Variants in CBL observed in about 807,000 individuals in gnomAD.
CBL encodes Cbl proto-oncogene.
In CBL, 45 loss-of-function variants were observed where a neutral mutation model predicts 96.9. The ratio of observed to expected loss-of-function variants is 0.46; its 90% CI spans 0.37 to 0.60. The LOEUF is 0.60. Ranked by LOEUF, CBL falls within the 20% of genes least tolerant of loss-of-function variation. The probability of loss-of-function intolerance (pLI) is 0.00; values close to 1 mark genes in which losing one functional copy is unlikely to be tolerated. For missense variants in CBL, 1,024 were observed against 1,143.5 expected (o/e 0.90, Z 1.51); for synonymous variants, 420 against 426.8 (o/e 0.98, Z 0.20).
At chr11:119,273,592 T>C (rs1190422245) in intron 3 of CBL, among the ~76,000 whole-genome samples, 1 of 152,182 alleles carries the variant, frequency 6.6e-6, no homozygotes, top group Non-Finnish European at 1.5e-5. Flanking sequence ...TGTTTGTTTG[T>C]TTTTGTAGAG....
chr11:119,278,352 G>A (rs762760015), intron 8 of CBL, 55 bp downstream of exon 8: 2 of 1,599,476 alleles, frequency 1.3e-6, no homozygotes, highest in South Asian at 1.1e-5. Flanking sequence ...GGAAAATTCG[G>A]TATTATATAG....
chr11:119,294,125 A>C (rs1482636242), intron 12 of CBL, among the ~76,000 whole-genome samples: 1 of 152,104 alleles, frequency 6.6e-6, no homozygotes, highest in African/African-American at 2.4e-5. Context: ...ATTAACAGAG[A>C]ATTATAATTA....
intron 2 of CBL, among the ~76,000 whole-genome samples, chr11:119,237,286 A>G (rs1949553330): frequency 6.6e-6 from 1 of 152,190 alleles, no homozygotes; most frequent in South Asian, 2.1e-4. Context: ...TTCATTGTTG[A>G]GTTGTAAGAT....
intron 2 of CBL, among the ~76,000 whole-genome samples, chr11:119,261,590 G>A (rs528238476): frequency 1.3e-5 from 2 of 152,266 alleles, no homozygotes; most frequent in South Asian, 4.1e-4. Context: ...AAAGATTTCA[G>A]CATTATCTTA....
chr11:119,291,714 TA>T (rs1338995083), intron 12 of CBL, among the ~76,000 whole-genome samples: 1 of 152,170 alleles, frequency 6.6e-6, no homozygotes, highest in Non-Finnish European at 1.5e-5. Flanking sequence ...TCTCAAAAAA[TA>T]AAAATATATA....
At chr11:119,280,328 G>A (rs540185647) in intron 9 of CBL, among the ~76,000 whole-genome samples, 1 of 152,098 alleles carries the variant, frequency 6.6e-6, no homozygotes. Context: ...TTTTTTAGCT[G>A]GATGGTAGGT....
In CBL at chr11:119,304,246, C is replaced by T. The variant is rs1950120103; in HGVS notation, c.*4465C>T. ...AAACTATTACTATCACTCCTTTGAA[C>T]TCAGTCTCCATGAGCAGTGTTTTGT... On this transcript the variant is annotated 3_prime_UTR_variant, in exon 16 of 16. Coordinates refer to ENST00000264033, the MANE Select transcript of CBL (RefSeq NM_005188.4). The T allele has an allele frequency of 4.3e-6, 1 of 233,186 alleles. No homozygotes were observed. Among genetic ancestry groups the T allele is most frequent in the African/African-American group, 2.2e-5 (1 of 45,344 alleles). The allele number at this position is 233,186 out of a possible 1,614,324, so 14.4% of individuals were successfully genotyped here.
intron 1 of CBL, among the ~76,000 whole-genome samples, chr11:119,213,669 A>G (rs1949335618): frequency 6.6e-6 from 1 of 152,164 alleles, no homozygotes; most frequent in Non-Finnish European, 1.5e-5. Flanking sequence ...GAAGAGGGCC[A>G]AGCGGGTGAC....
intron 1 of CBL, among the ~76,000 whole-genome samples, chr11:119,229,503 T>C (rs1459831388): frequency 1.3e-5 from 2 of 152,302 alleles, no homozygotes. Flanking sequence ...TAATCCCGGC[T>C]ATTCAGGCAG....
intron 2 of CBL, among the ~76,000 whole-genome samples, chr11:119,263,324 A>AG (rs1375111475): frequency 6.6e-6 from 1 of 152,184 alleles, no homozygotes; most frequent in African/African-American, 2.4e-5. Context: ...ATTTTCATGT[A>AG]GGGGGAGTAA....
At chr11:119,220,898 A>G (rs778232692) in intron 1 of CBL, among the ~76,000 whole-genome samples, 1 of 150,630 alleles carries the variant, frequency 6.6e-6, no homozygotes, top group Non-Finnish European at 1.5e-5. Context: ...TTGTCTAGTG[A>G]TGACACTTTT....
At chr11:119,215,429 A>AT (rs34686872) in intron 1 of CBL, among the ~76,000 whole-genome samples, 37,810 of 144,206 alleles carry the variant, frequency 0.26, 7,219 homozygotes, top group African/African-American at 0.52. Flanking sequence ...AACAGCCTAA[A>AT]TTTTTTTTTT....
chr11:119,225,870 G>A (rs1361970653), intron 1 of CBL, among the ~76,000 whole-genome samples: 2 of 151,732 alleles, frequency 1.3e-5, no homozygotes, highest in African/African-American at 2.4e-5. Context: ...TAGGATTACC[G>A]GCATGTGCCA....
intron 1 of CBL, among the ~76,000 whole-genome samples, chr11:119,207,972 T>C (rs983427787): frequency 2.0e-5 from 3 of 152,228 alleles, no homozygotes; most frequent in Non-Finnish European, 4.4e-5. Context: ...ACTCCAGTAG[T>C]GCATGCCAGT....
At chr11:119,235,231 A>G (rs978401350) in intron 2 of CBL, among the ~76,000 whole-genome samples, 5 of 151,914 alleles carry the variant, frequency 3.3e-5, no homozygotes, top group African/African-American at 1.2e-4. Flanking sequence ...CTCTTGCCTC[A>G]GCCTCCCGAG....
intron 12 of CBL, among the ~76,000 whole-genome samples, chr11:119,292,665 C>T (rs2135316712): frequency 6.6e-6 from 1 of 152,272 alleles, no homozygotes; most frequent in East Asian, 1.9e-4. Context: ...CGTGATCTGC[C>T]CGCCTTGGCC....
At chr11:119,256,875 A>T (rs1211077132) in intron 2 of CBL, among the ~76,000 whole-genome samples, 1 of 152,132 alleles carries the variant, frequency 6.6e-6, no homozygotes, top group Non-Finnish European at 1.5e-5. Flanking sequence ...AGCTCCGTCC[A>T]AGTTGCTGGA....
Position 119,206,394 on chromosome 11 carries a change from C to T in CBL, c.-24C>T. Reference sequence around the variant, plus strand: ...AGTCGAGCCGAGCCGGCGGACCCGCCTGGGCTCCGACCCTGCCCAGGCCAT... The same window carrying T: ...AGTCGAGCCGAGCCGGCGGACCCGCTTGGGCTCCGACCCTGCCCAGGCCAT... On this transcript the variant is annotated 5_prime_UTR_variant, in exon 1 of 16. Coordinates refer to ENST00000264033, the MANE Select transcript of CBL (RefSeq NM_005188.4). 1 of 1,507,180 alleles carries T rather than the reference C, an allele frequency of 6.6e-7. No homozygotes were observed. Among genetic ancestry groups the T allele is most frequent in the Non-Finnish European group, 8.8e-7 (1 of 1,131,228 alleles). The allele number at this position is 1,507,180 out of a possible 1,614,324, so 93.4% of individuals were successfully genotyped here.
In CBL at chr11:119,206,521, C is replaced by G; in HGVS notation, c.104C>G (p.Pro35Arg). 6.4e-7 allele frequency: 1 copy of G among 1,557,454 alleles called. No homozygotes were observed. The change falls in exon 1 of 16, where the codon CCG becomes CGG. Residue 35 changes from proline (P) to arginine (R), a missense_variant. This residue lies in a region of CBL where 114 missense variants were observed against 117.4 expected (regional missense o/e 0.97). Coordinates refer to ENST00000264033, the MANE Select transcript of CBL (RefSeq NM_005188.4). Reference sequence around the variant, plus strand: ...GGGCTCATGAAGGACGCCTTCCAGCCGCACCACCACCACCACCACCACCTC... The same window carrying G: ...GGGCTCATGAAGGACGCCTTCCAGCGGCACCACCACCACCACCACCACCTC... Reference protein sequence around the residue: ...LIGLMKDAFQPHHHHHHHLSP... With the variant: ...LIGLMKDAFQRHHHHHHHLSP...
Sources: gnomAD v4.1 joint callset for allele counts (sites outside exome capture counted in the v4.1 genomes callset) on GRCh38, gnomAD v4.1.1 for gene constraint, gnomAD v4.1.1 regional missense constraint, MANE v1.5 for transcripts, NCBI Gene and HGNC (gene_info 2026-07-23, HGNC 2026-07-21) for gene names.